SEMA6D: variants seen among roughly 807,000 people sequenced by gnomAD.
The protein encoded by SEMA6D is semaphorin 6D.
A neutral mutation model predicts 106.6 loss-of-function variants in SEMA6D; 35 were observed. That is an observed-to-expected ratio of 0.33 (90% CI 0.25 to 0.44). The LOEUF (loss-of-function observed/expected upper bound fraction) is 0.44, where lower values mean the gene tolerates loss of function less well. SEMA6D is among the 20% of genes least tolerant of loss of function. The pLI is 1.00. For missense variants in SEMA6D, 1,185 were observed against 1,345.9 expected (o/e 0.88, Z 1.87); for synonymous variants, 499 against 487.7 (o/e 1.02, Z -0.31).
At chr15:47,557,907 C>T (rs553766068) in intron 3 of SEMA6D, among the ~76,000 whole-genome samples, 2 of 152,064 alleles carry the variant, frequency 1.3e-5, no homozygotes, top group South Asian at 2.1e-4. Flanking sequence ...AATATAAATT[C>T]CTTGCCATGA....
At chr15:47,765,824 T>A in intron 13 of SEMA6D, 45 bp from the exon 14 acceptor site, 1 of 1,456,340 alleles carries the variant, frequency 6.9e-7, no homozygotes, top group South Asian at 1.7e-5. Context: ...CAAACCACAC[T>A]TGACTGACTA....
intron 1 of SEMA6D, among the ~76,000 whole-genome samples, chr15:47,371,269 T>A (rs2039263047): frequency 6.6e-6 from 1 of 152,254 alleles, no homozygotes; most frequent in Non-Finnish European, 1.5e-5. Context: ...CAGTCCAGTT[T>A]TCTGCCAGGT....
intron 4 of SEMA6D, among the ~76,000 whole-genome samples, chr15:47,655,125 A>G (rs1236412330): frequency 6.6e-6 from 1 of 152,178 alleles, no homozygotes; most frequent in Admixed American, 6.5e-5. Context: ...CTTTCCCTCC[A>G]TACCTTTCTT....
At chr15:47,245,554 C>T (rs1486629814) in intron 1 of SEMA6D, among the ~76,000 whole-genome samples, 2 of 152,162 alleles carry the variant, frequency 1.3e-5, no homozygotes, top group African/African-American at 4.8e-5. Context: ...CAGCTTCTGG[C>T]TACAGCACAG....
chr15:47,198,184 T>C (rs1894488748), intron 1 of SEMA6D, among the ~76,000 whole-genome samples: 2 of 152,072 alleles, frequency 1.3e-5, no homozygotes, highest in African/African-American at 4.8e-5. Flanking sequence ...CAGGGGTTGG[T>C]GCAGAGGGTG....
intron 3 of SEMA6D, among the ~76,000 whole-genome samples, chr15:47,527,078 T>C (rs536186523): frequency 3.2e-4 from 49 of 152,198 alleles, no homozygotes; most frequent in Non-Finnish European, 5.0e-4. Context: ...TGTTTACTCA[T>C]TGTCTTGGGA....
chr15:47,611,370 A>G (rs561639729), intron 4 of SEMA6D, among the ~76,000 whole-genome samples: 5 of 152,340 alleles, frequency 3.3e-5, no homozygotes, highest in African/African-American at 1.2e-4. Flanking sequence ...GTATTAAAAG[A>G]TTTTGCAATA....
rs2044662175 is a variant in SEMA6D at position 47,523,705 on chromosome 15, A to T, written c.-87+53160A>T. On this transcript the variant is annotated intron_variant, in intron 3 of 19. Transcript: ENST00000558014. ...TATTTGTGAGCATTCCCTTCTGTGGATCAACCAGAACTCTCCTAGTCACCC... is the reference window on the plus strand; with the variant it reads ...TATTTGTGAGCATTCCCTTCTGTGGTTCAACCAGAACTCTCCTAGTCACCC... 3.9e-5 allele frequency among the ~76,000 whole-genome samples: 6 copies of T among 152,284 alleles called. No individual in the cohort carries two copies. The South Asian group carries it at 1.2e-3, about 32-fold the overall frequency.
At chr15:47,751,986 G>A (rs2081464963) in intron 1 of SEMA6D, among the ~76,000 whole-genome samples, 2 of 152,164 alleles carry the variant, frequency 1.3e-5, no homozygotes. Flanking sequence ...ATATTCCAGG[G>A]CTGAAAACAG....
chr15:47,593,375 C>T (rs190491817), intron 3 of SEMA6D, among the ~76,000 whole-genome samples: 55 of 135,568 alleles, frequency 4.1e-4, no homozygotes, highest in East Asian at 6.8e-4. Context: ...CACTGCACTC[C>T]GGCCTGGGCG....
At chr15:47,682,408 C>G (rs966024764) in intron 4 of SEMA6D, among the ~76,000 whole-genome samples, 1 of 152,036 alleles carries the variant, frequency 6.6e-6, no homozygotes, top group Non-Finnish European at 1.5e-5. Flanking sequence ...ACCTCATGAT[C>G]CGCCCCCCTC....
At chr15:47,521,792 T>C (rs1307702008) in intron 3 of SEMA6D, among the ~76,000 whole-genome samples, 2 of 152,282 alleles carry the variant, frequency 1.3e-5, no homozygotes, top group Admixed American at 6.5e-5. Context: ...GAGACCATCC[T>C]GCCTAACACG....
Position 47,404,328 on chromosome 15 carries a change from G to A in SEMA6D, c.-238-8065G>A, listed in dbSNP as rs576189986. Among the ~76,000 whole-genome samples, 12 of 152,240 alleles carry A rather than the reference G, an allele frequency of 7.9e-5. No individual in the cohort carries two copies. The South Asian group carries it at 1.0e-3, about 13-fold the overall frequency. On this transcript the variant is annotated intron_variant, in intron 1 of 19. Transcript: ENST00000558014. ...TGAGAACCTAAAATGAGCCATCATC[G>A]TGGCAGTTATAATTTTATTTTGTTT... is the stretch of plus-strand genomic sequence containing the variant.
intron 3 of SEMA6D, among the ~76,000 whole-genome samples, chr15:47,539,755 A>G (rs1289133657): frequency 6.6e-6 from 1 of 152,184 alleles, no homozygotes; most frequent in African/African-American, 2.4e-5. Flanking sequence ...GCTCTTGATT[A>G]TTTGTGCTTA....
At chr15:47,412,348 C>A (rs2040827552) in intron 1 of SEMA6D, 1 of 152,626 alleles carries the variant, frequency 6.6e-6, no homozygotes, top group African/African-American at 2.4e-5. Flanking sequence ...GAATAATCAT[C>A]CATCAGGCTC....
At chr15:47,711,190 G>A (rs1198864791) in intron 4 of SEMA6D, among the ~76,000 whole-genome samples, 8 of 149,862 alleles carry the variant, frequency 5.3e-5, no homozygotes, top group African/African-American at 2.0e-4. Flanking sequence ...GGCGCCTGTA[G>A]TCCCAGCTAC....
chr15:47,574,311 G>T (rs943522348), intron 3 of SEMA6D, among the ~76,000 whole-genome samples: 1 of 152,206 alleles, frequency 6.6e-6, no homozygotes, highest in Admixed American at 6.5e-5. Context: ...TCCTCATCCA[G>T]TTATGACTTG....
chr15:47,750,766 G>A (rs2081385786), intron 1 of SEMA6D, among the ~76,000 whole-genome samples: 1 of 152,216 alleles, frequency 6.6e-6, no homozygotes, highest in Non-Finnish European at 1.5e-5. Flanking sequence ...CCTAGAAGGA[G>A]GAAGGGTCTC....
intron 1 of SEMA6D, among the ~76,000 whole-genome samples, chr15:47,355,520 G>A (rs2038531198): frequency 6.6e-6 from 1 of 152,160 alleles, no homozygotes; most frequent in Admixed American, 6.5e-5. Flanking sequence ...GAAAGAGAAA[G>A]AGAGAGACTT....
Sources: allele counts gnomAD v4.1 joint callset (sites outside exome capture counted in the v4.1 genomes callset), GRCh38; gene constraint gnomAD v4.1.1; transcripts MANE v1.5; gene names NCBI Gene and HGNC (gene_info 2026-07-23, HGNC 2026-07-21).